Variants in PRIM1 observed in about 807,000 individuals in gnomAD.
PRIM1 encodes the protein DNA primase subunit 1.
PRIM1 carries 38 observed loss-of-function variants against 60.2 expected under a neutral mutation model. The observed-to-expected ratio is 0.63, with a 90% CI of 0.49 to 0.83. The LOEUF (loss-of-function observed/expected upper bound fraction) is 0.83. Ranked by LOEUF, PRIM1 falls within the 40% of genes least tolerant of loss-of-function variation. The pLI is 0.00. For synonymous variants in PRIM1, 158 were observed against 160.2 expected, an observed-to-expected ratio of 0.99 and a Z score of 0.10; for missense variants, 388 against 506.2, an observed-to-expected ratio of 0.77 and a Z score of 2.24.
intron 2 of PRIM1, among the ~76,000 whole-genome samples, chr12:56,750,139 G>A (rs1953936050): frequency 6.6e-6 from 1 of 152,196 alleles, no homozygotes; most frequent in East Asian, 1.9e-4. Context: ...AGGACTTTTA[G>A]TCAGTGAAAT....
chr12:56,732,286 T>G (rs1953789951), intron 12 of PRIM1, among the ~76,000 whole-genome samples: 2 of 152,208 alleles, frequency 1.3e-5, no homozygotes, highest in Non-Finnish European at 2.9e-5. Flanking sequence ...TTTCCTACTG[T>G]ACCTGACACT....
chr12:56,741,192 T>C (rs961936117), intron 9 of PRIM1, among the ~76,000 whole-genome samples: 1 of 152,102 alleles, frequency 6.6e-6, no homozygotes, highest in African/African-American at 2.4e-5. Context: ...TGAGAGCTGT[T>C]GTCCTAAGAT....
intron 1 of PRIM1, 62 bp downstream of exon 1, chr12:56,752,134 A>G: frequency 8.0e-7 from 1 of 1,257,066 alleles, no homozygotes; most frequent in South Asian, 1.3e-5. Flanking sequence ...TGTCATTCTA[A>G]GGACACCCCG....
rs2137862947 is a variant in PRIM1, at chr12:56,741,558, T to G, written c.859A>C (p.Lys287Gln). The G allele has an allele frequency of 6.2e-7, 1 of 1,611,990 alleles. No homozygotes were observed. Among genetic ancestry groups the G allele is most frequent in the East Asian group, 2.2e-5 (1 of 44,868 alleles). Residue 287 changes from lysine (K) to glutamine (Q), a missense_variant, in exon 9 of 13, where the codon AAA (lysine) becomes CAA (glutamine). Transcript: ENST00000338193. ...TCCCACTCCAGCCAGGGTCCATATT[T>G]GTCATTTTTGATGTTATTCTAAAAG... ...SRYQNNIKND[K>Q]YGPWLEWEIM...
Position 56,746,838 on chromosome 12 carries a change from G to A in PRIM1, c.385C>T (p.Pro129Ser), listed in dbSNP as rs776296667. Residue 129 changes from proline to serine, a missense_variant, in exon 4 of 13, where the codon CCT (proline) becomes TCT (serine). Physicochemically the swap from Pro to Ser is moderately conservative, Grantham distance 74 (BLOSUM62 -1). Around this residue, in one of 3 missense-constraint regions of PRIM1, gnomAD observed 156 missense variants for 175.8 expected, o/e 0.89. Transcript: ENST00000338193. ...RRCCSSADICPKCWTLMTMAI... is the reference protein window; with the variant it reads ...RRCCSSADICSKCWTLMTMAI... ...ATTGTCATGAGGGTCCAGCACTTAGGACATATGTCTGCAGAACTAAAGCAG... is the reference window on the plus strand; with the variant it reads ...ATTGTCATGAGGGTCCAGCACTTAGAACATATGTCTGCAGAACTAAAGCAG... 5.0e-6 allele frequency: 8 copies of A among 1,613,722 alleles called. No individual in the cohort carries two copies. The Admixed American group carries it at 1.3e-4, about 27-fold the overall frequency.
At chr12:56,749,169 C>T (rs534333066) in intron 2 of PRIM1, among the ~76,000 whole-genome samples, 8 of 152,040 alleles carry the variant, frequency 5.3e-5, no homozygotes, top group East Asian at 1.9e-4. Context: ...CCACCGTGCC[C>T]GGCTGTTTTT....
At chr12:56,744,179 G>A in intron 5 of PRIM1, 56 bp from the exon 6 acceptor site, 3 of 1,311,068 alleles carry the variant, frequency 2.3e-6, no homozygotes, top group Non-Finnish European at 3.2e-6. Flanking sequence ...ATACAGTCAT[G>A]TGCAGCATAA....
At chr12:56,751,974 T>TG in intron 1 of PRIM1, among the ~76,000 whole-genome samples, 1 of 148,428 alleles carries the variant, frequency 6.7e-6, no homozygotes, top group East Asian at 2.0e-4. Context: ...CTGTTTTTTT[T>TG]TTTTTTTTTT....
chr12:56,746,230 T>C (rs1341487098), intron 4 of PRIM1, 49 bp from the exon 5 acceptor site: 5 of 1,553,984 alleles, frequency 3.2e-6, no homozygotes, highest in Non-Finnish European at 4.4e-6. Context: ...ATAAACTCCT[T>C]AATTAATGTA....
Position 56,746,806 on chromosome 12 carries a change from T to C in PRIM1, c.417A>G (p.Ile139Met). The part of the protein sequence containing the change: ...PKCWTLMTMA[I>M]RIIDRALKED... ...CCTTCAATGCTCTGTCAATGATGCGTATGGCCATTGTCATGAGGGTCCAGC... is the reference window on the plus strand; with the variant it reads ...CCTTCAATGCTCTGTCAATGATGCGCATGGCCATTGTCATGAGGGTCCAGC... Residue 139 changes from isoleucine to methionine, a missense_variant, in exon 4 of 13, where the codon ATA (isoleucine) becomes ATG (methionine). Physicochemically the swap from Ile to Met is conservative, Grantham distance 10. Coordinates refer to ENST00000338193, the MANE Select transcript of PRIM1 (RefSeq NM_000946.3). 6.2e-7 allele frequency: 1 copy of C among 1,613,970 alleles called. No homozygotes were observed. Among genetic ancestry groups the C allele is most frequent in the South Asian group, 1.1e-5 (1 of 91,068 alleles).
chr12:56,732,360 T>C (rs1042488146), intron 12 of PRIM1, among the ~76,000 whole-genome samples: 1 of 152,208 alleles, frequency 6.6e-6, no homozygotes, highest in East Asian at 1.9e-4. Flanking sequence ...CTTTCATCTC[T>C]TCACTTCTAA....
chr12:56,744,174 G>A (rs947599162), intron 5 of PRIM1, 51 bp from the exon 6 acceptor site: 4 of 1,326,048 alleles, frequency 3.0e-6, no homozygotes, highest in Non-Finnish European at 4.2e-6. Flanking sequence ...TATAAATACA[G>A]TCATGTGCAG....
chr12:56,732,634 T>C (rs958631390), intron 12 of PRIM1, among the ~76,000 whole-genome samples: 3 of 152,182 alleles, frequency 2.0e-5, no homozygotes, highest in African/African-American at 7.2e-5. Flanking sequence ...TTTGGATTTA[T>C]AGCCCATCAC....
chr12:56,749,946 T>G (rs549722891), intron 2 of PRIM1, among the ~76,000 whole-genome samples: 2 of 152,156 alleles, frequency 1.3e-5, no homozygotes, highest in African/African-American at 2.4e-5. Flanking sequence ...CTAGGGTACT[T>G]AGAATATACC....
Position 56,731,693 on chromosome 12 carries a change from A to G in PRIM1, c.*22T>C, listed in dbSNP as rs748494701. On this transcript the variant is annotated 3_prime_UTR_variant, in exon 13 of 13. Transcript: ENST00000338193. ...GTGGTTGAAGGCAGAAGATATCCAC[A>G]ATGGTTTGAGGAGCTCTGTCTTCAG... 1 of 1,507,550 alleles carries G rather than the reference A, an allele frequency of 6.6e-7. No individual in the cohort carries two copies. Among genetic ancestry groups the G allele is most frequent in the South Asian group, 1.2e-5 (1 of 81,022 alleles). The allele number at this position is 1,507,550 out of a possible 1,614,324, so 93.4% of individuals were successfully genotyped here. A position where few individuals can be genotyped will look rare whatever the true frequency, so the allele number is the denominator to read the frequency against.
chr12:56,748,632 A>G (rs1461126439), intron 2 of PRIM1, among the ~76,000 whole-genome samples: 1 of 151,502 alleles, frequency 6.6e-6, no homozygotes, highest in Non-Finnish European at 1.5e-5. Context: ...GTCTCAAAAA[A>G]AAAAAAAAAA....
chr12:56,744,730 T>C (rs1953894937), intron 5 of PRIM1, among the ~76,000 whole-genome samples: 1 of 151,150 alleles, frequency 6.6e-6, no homozygotes, highest in Admixed American at 6.6e-5. Flanking sequence ...GTATACTCCA[T>C]GACTTTTGCA....
At chr12:56,733,397 G>A (rs1953798435) in intron 12 of PRIM1, among the ~76,000 whole-genome samples, 2 of 151,822 alleles carry the variant, frequency 1.3e-5, no homozygotes, top group Non-Finnish European at 2.9e-5. Flanking sequence ...GACCTCAGGC[G>A]ATCCACCTGC....
intron 12 of PRIM1, among the ~76,000 whole-genome samples, chr12:56,733,027 G>A (rs1953795183): frequency 6.7e-6 from 1 of 148,214 alleles, no homozygotes; most frequent in South Asian, 2.1e-4. Flanking sequence ...GCTAATTTTT[G>A]TATTTTTAGT....
Sources: gnomAD v4.1 joint callset for allele counts (sites outside exome capture counted in the v4.1 genomes callset) on GRCh38, gnomAD v4.1.1 for gene constraint, gnomAD v4.1.1 regional missense constraint, MANE v1.5 for transcripts, NCBI Gene and HGNC (gene_info 2026-07-23, HGNC 2026-07-21) for gene names.